SNAPC3: variants seen among roughly 807,000 people sequenced by gnomAD.
SNAPC3 encodes the protein small nuclear RNA activating complex polypeptide 3, also known as snRNA-activating protein complex subunit 3.
Under a neutral mutation model 47.7 loss-of-function variants are expected in SNAPC3, and 56 were observed. That is an observed-to-expected ratio of 1.18 (90% CI 0.95 to 1.47). SNAPC3 has a LOEUF of 1.47. Among genes scored for constraint, SNAPC3 ranks in the 40% most tolerant of loss-of-function variants. The pLI is 0.00. For missense variants in SNAPC3, 665 were observed against 511.3 expected (o/e 1.30, Z -2.90); for synonymous variants, 235 against 189.9 (o/e 1.24, Z -1.95).
downstream of SNAPC3, chr9:15,465,497 C>T: frequency 6.6e-7 from 1 of 1,505,500 alleles, no homozygotes; most frequent in Non-Finnish European, 9.1e-7. Flanking sequence ...CTCAAGTGTT[C>T]TCTATATTCC....
At chr9:15,428,901 TGAA>T (rs1017063438) in intron 2 of SNAPC3, among the ~76,000 whole-genome samples, 17 of 151,846 alleles carry the variant, frequency 1.1e-4, no homozygotes, top group African/African-American at 4.1e-4. Context: ...TCAGAGTCCC[TGAA>T]GAAGAAAAAG....
intron 1 of SNAPC3, among the ~76,000 whole-genome samples, chr9:15,423,424 A>G (rs1220761211): frequency 1.3e-5 from 2 of 152,228 alleles, no homozygotes; most frequent in Non-Finnish European, 2.9e-5. Context: ...AGACAGCTGC[A>G]TCAAAGACTA....
chr9:15,457,132 A>G (rs1348840358), intron 7 of SNAPC3, among the ~76,000 whole-genome samples: 1 of 152,182 alleles, frequency 6.6e-6, no homozygotes, highest in Non-Finnish European at 1.5e-5. Flanking sequence ...TAAAGGTTTC[A>G]TAATTCTGAT....
At position 15,433,651 on chromosome 9, in the gene SNAPC3, C is replaced by T. The variant is rs560861803; in HGVS notation, c.477+15C>T. 5.5e-5 allele frequency: 82 copies of T among 1,484,938 alleles called. No homozygotes were observed. The South Asian group carries it at 9.3e-4, about 17-fold the overall frequency. 92.0% of individuals were successfully genotyped at this position (1,484,938 alleles called of 1,614,324 possible). A position where few individuals can be genotyped will look rare whatever the true frequency, so the allele number is the denominator to read the frequency against. On this transcript the variant is annotated intron_variant, in intron 3 of 8. Coordinates refer to ENST00000380821, the MANE Select transcript of SNAPC3 (RefSeq NM_001039697.2). Reference sequence around the variant, plus strand: ...TTTATGAGATGGTAATTAAGAGTCTCATCTTTTTCACCCTTTTCTCTTAAA... The same window carrying T: ...TTTATGAGATGGTAATTAAGAGTCTTATCTTTTTCACCCTTTTCTCTTAAA...
intron 3 of SNAPC3, among the ~76,000 whole-genome samples, chr9:15,441,383 CTT>C (rs77103785): frequency 7.2e-4 from 43 of 59,572 alleles, no homozygotes; most frequent in Non-Finnish European, 1.2e-3. Context: ...GTTCCCTTTT[CTT>C]TTTTTTTTTT....
chr9:15,449,430 C>T (rs1387597357), intron 5 of SNAPC3, among the ~76,000 whole-genome samples: 7 of 151,148 alleles, frequency 4.6e-5, no homozygotes, highest in Non-Finnish European at 7.4e-5. Flanking sequence ...TACATTGCTG[C>T]TGATAGCTTC....
In SNAPC3 at chr9:15,423,134, G is replaced by A. The variant is rs1459473181; in HGVS notation, c.255G>A (p.Ala85=). 4.5e-6 allele frequency: 7 copies of A among 1,558,560 alleles called. No individual in the cohort carries two copies. The African/African-American group carries it at 7.1e-5, about 16-fold the overall frequency. ...CTGACTCCGACCGGGAGGATGCCGCGGTGGCCAGGGATCTGGACTGCAGCC... is the reference window on the plus strand; with the variant it reads ...CTGACTCCGACCGGGAGGATGCCGCAGTGGCCAGGGATCTGGACTGCAGCC... The part of the protein sequence containing the change: ...QAADSDREDA[A]VARDLDCSLE... Residue 85 remains alanine, a synonymous_variant, in exon 1 of 9, where the codon GCG becomes GCA. Coordinates refer to ENST00000380821, the MANE Select transcript of SNAPC3 (RefSeq NM_001039697.2).
downstream of SNAPC3, chr9:15,464,250 T>A (rs550988447): frequency 5.2e-6 from 1 of 193,176 alleles, no homozygotes; most frequent in East Asian, 8.3e-5. Flanking sequence ...AAAAATGCAA[T>A]TCTGTAGATG....
Position 15,423,085 on chromosome 9 carries a change from C to G in SNAPC3, c.206C>G (p.Ser69Cys). ...TTGTCGCTGAGGGAGCCGCCGGCAT[C>G]CGCTCTGCCTGGGAGCCAGGCAGCT... ...GDLSLREPPA[S>C]ALPGSQAADS... Residue 69 changes from serine (S) to cysteine (C), a missense_variant, in exon 1 of 9, where the codon TCC (serine) becomes TGC (cysteine). Physicochemically the swap from Ser to Cys is moderately radical, Grantham distance 112 (BLOSUM62 -1). Coordinates refer to ENST00000380821, the MANE Select transcript of SNAPC3 (RefSeq NM_001039697.2). 6.5e-7 allele frequency: 1 copy of G among 1,528,260 alleles called. No homozygotes were observed. Among genetic ancestry groups the G allele is most frequent in the Non-Finnish European group, 8.7e-7 (1 of 1,146,070 alleles). The allele number at this position is 1,528,260 out of a possible 1,614,324, so 94.7% of individuals were successfully genotyped here.
chr9:15,439,457 G>C (rs868225435), intron 3 of SNAPC3, among the ~76,000 whole-genome samples: 25 of 152,174 alleles, frequency 1.6e-4, no homozygotes, highest in Admixed American at 2.0e-4. Flanking sequence ...TTAGGCTCAA[G>C]TAATACTCCC....
Position 15,458,003 on chromosome 9 carries a change from C to A in SNAPC3, c.1024C>A (p.Leu342Ile), listed in dbSNP as rs766027414. The A allele has an allele frequency of 1.3e-6, 2 of 1,598,044 alleles. No individual in the cohort carries two copies. The highest frequency in any genetic ancestry group is 1.7e-6 in the Non-Finnish European group (2 of 1,174,794). ...CTGCTTGGATAGGACATTGTATCCC[C>A]TCCTTATCAAGAAGCATTGGCTATG... ...DDCLDRTLYPLLIKKHWLWTR... is the reference protein window; with the variant it reads ...DDCLDRTLYPILIKKHWLWTR... The change falls in exon 8 of 9, where the codon CTC (leucine) becomes ATC (isoleucine). Residue 342 changes from leucine to isoleucine, a missense_variant. Physicochemically the swap from Leu to Ile is conservative, Grantham distance 5 (BLOSUM62 2). Transcript: ENST00000380821.
intron 2 of SNAPC3, among the ~76,000 whole-genome samples, chr9:15,430,786 C>G (rs1366036148): frequency 6.6e-6 from 1 of 152,064 alleles, no homozygotes; most frequent in East Asian, 1.9e-4. Context: ...TATTTTGCAG[C>G]TAGAATAAAG....
Position 15,443,425 on chromosome 9 carries a change from A to G in SNAPC3, c.478-1177A>G, listed in dbSNP as rs76045981. Among the ~76,000 whole-genome samples the G allele has an allele frequency of 4.4e-3, 671 of 152,138 alleles. 3 individuals carry two copies. The highest frequency in any genetic ancestry group is 0.016 in the African/African-American group (645 of 41,514). ...TTTTTGAGAACTAGACATTCTAGGTATATTTTCTCTTGTGCATGGCTGGAG... is the reference window on the plus strand; with the variant it reads ...TTTTTGAGAACTAGACATTCTAGGTGTATTTTCTCTTGTGCATGGCTGGAG... On this transcript the variant is annotated intron_variant, in intron 3 of 8. Coordinates refer to ENST00000380821, the MANE Select transcript of SNAPC3 (RefSeq NM_001039697.2).
At chr9:15,447,059 C>A in intron 4 of SNAPC3, 36 bp from the exon 5 acceptor site, 1 of 1,585,806 alleles carries the variant, frequency 6.3e-7, no homozygotes, top group Middle Eastern at 1.7e-4. Flanking sequence ...ATCGCTTTGT[C>A]TCTAAATGAA....
At chr9:15,425,047 C>T (rs1587132524) in intron 2 of SNAPC3, among the ~76,000 whole-genome samples, 1 of 152,280 alleles carries the variant, frequency 6.6e-6, no homozygotes, top group Non-Finnish European at 1.5e-5. Flanking sequence ...GTCTATGGCC[C>T]TACATCTCCT....
chr9:15,450,864 C>T (rs1054593958), intron 5 of SNAPC3, among the ~76,000 whole-genome samples: 1 of 152,094 alleles, frequency 6.6e-6, no homozygotes, highest in Non-Finnish European at 1.5e-5. Flanking sequence ...GTACCTGGGG[C>T]AAGATTGCTT....
chr9:15,443,249 A>T (rs775106176), intron 3 of SNAPC3, among the ~76,000 whole-genome samples: 1 of 152,202 alleles, frequency 6.6e-6, no homozygotes, highest in Non-Finnish European at 1.5e-5. Context: ...ACTTTTATTT[A>T]TGTGCGAATG....
chr9:15,433,499 C>A (rs901123165), intron 2 of SNAPC3, 53 bp from the exon 3 acceptor site: 1 of 1,105,758 alleles, frequency 9.0e-7, no homozygotes, highest in Non-Finnish European at 1.3e-6. Context: ...TTTTGAAGCC[C>A]GAATAACAAA....
chr9:15,455,390 A>C (rs2034698955), intron 7 of SNAPC3, among the ~76,000 whole-genome samples: 1 of 152,078 alleles, frequency 6.6e-6, no homozygotes, highest in Admixed American at 6.5e-5. Context: ...AACATGGTGA[A>C]ATCCTGTCTC....
Sources: gnomAD v4.1 joint callset for allele counts (sites outside exome capture counted in the v4.1 genomes callset) on GRCh38, gnomAD v4.1.1 for gene constraint, MANE v1.5 for transcripts, NCBI Gene and HGNC (gene_info 2026-07-23, HGNC 2026-07-21) for gene names.